Variants in GRIN2B observed in about 807,000 individuals in gnomAD.
GRIN2B encodes the protein glutamate ionotropic receptor NMDA type subunit 2B.
In GRIN2B, 5 loss-of-function variants were observed where a neutral mutation model predicts 114.5. That is an observed-to-expected ratio of 0.04 (90% CI 0.02 to 0.09). The LOEUF is 0.09. GRIN2B is among the 10% of genes least tolerant of loss of function. The pLI is 1.00. For synonymous variants in GRIN2B, 787 were observed against 745.1 expected, an observed-to-expected ratio of 1.06 and a Z score of -0.92; for missense variants, 1,108 against 1,943.5, an observed-to-expected ratio of 0.57 and a Z score of 8.08.
chr12:13,678,020 G>T (rs1452705301), intron 4 of GRIN2B, among the ~76,000 whole-genome samples: 1 of 152,064 alleles, frequency 6.6e-6, no homozygotes, highest in Admixed American at 6.6e-5. Context: ...CATACCCTGA[G>T]AATGACCCTA....
At chr12:13,687,303 A>G (rs988145483) in intron 4 of GRIN2B, among the ~76,000 whole-genome samples, 5 of 152,118 alleles carry the variant, frequency 3.3e-5, no homozygotes, top group African/African-American at 1.2e-4. Flanking sequence ...TTTTTTTAGC[A>G]AGTCCCTTTT....
chr12:13,719,912 G>A (rs556440386), intron 4 of GRIN2B, among the ~76,000 whole-genome samples: 1 of 152,118 alleles, frequency 6.6e-6, no homozygotes, highest in African/African-American at 2.4e-5. Context: ...CAACAGTACT[G>A]CATGATTGTG....
rs553762134 is a variant in GRIN2B at position 13,976,777 on chromosome 12, G to GA, written c.-19+3150dup. Reference sequence around the variant, plus strand: ...TTTCAGATTCTTAAACAAGAATATAGAAAAAAAAAATCCTGCCCCCAGGGT... The same window carrying GA: ...TTTCAGATTCTTAAACAAGAATATAGAAAAAAAAAAATCCTGCCCCCAGGGT... On this transcript the variant is annotated intron_variant, in intron 2 of 13. Coordinates refer to ENST00000609686, the MANE Select transcript of GRIN2B (RefSeq NM_000834.5). Among the ~76,000 whole-genome samples the GA allele has an allele frequency of 2.9e-3, 429 of 149,482 alleles. 1 individual carries two copies. Among genetic ancestry groups the GA allele is most frequent in the Admixed American group, 6.5e-3 (98 of 15,058 alleles).
chr12:13,805,049 G>T (rs1219022006), intron 3 of GRIN2B, among the ~76,000 whole-genome samples: 1 of 152,076 alleles, frequency 6.6e-6, no homozygotes, highest in African/African-American at 2.4e-5. Flanking sequence ...GTCTAGCCTT[G>T]ATTTAATTGT....
At chr12:13,873,733 C>T (rs1186734306) in intron 2 of GRIN2B, among the ~76,000 whole-genome samples, 4 of 152,100 alleles carry the variant, frequency 2.6e-5, no homozygotes, top group African/African-American at 7.2e-5. Flanking sequence ...CCTGGACATG[C>T]TAGATACATG....
At chr12:13,770,941 A>G (rs1332848175) in intron 3 of GRIN2B, among the ~76,000 whole-genome samples, 1 of 152,162 alleles carries the variant, frequency 6.6e-6, no homozygotes, top group Non-Finnish European at 1.5e-5. Flanking sequence ...CAACTTTCTG[A>G]ATGATTTCGA....
At chr12:13,830,585 G>T (rs113900275) in intron 3 of GRIN2B, among the ~76,000 whole-genome samples, 3 of 152,206 alleles carry the variant, frequency 2.0e-5, no homozygotes, top group African/African-American at 7.2e-5. Context: ...TCAGAAGAAG[G>T]CCAAATGTAT....
intron 4 of GRIN2B, among the ~76,000 whole-genome samples, chr12:13,729,677 A>T (rs1863049810): frequency 6.6e-6 from 1 of 152,098 alleles, no homozygotes; most frequent in Admixed American, 6.6e-5. Context: ...AATAGCTGAA[A>T]GAGATGGAGA....
chr12:13,875,137 A>G (rs1346971415), intron 2 of GRIN2B, among the ~76,000 whole-genome samples: 1 of 151,630 alleles, frequency 6.6e-6, no homozygotes, highest in Non-Finnish European at 1.5e-5. Context: ...ACGTGTTCTC[A>G]TCGTTCAGCT....
Position 13,542,043 on chromosome 12 carries a change from C to T in GRIN2B, c.*20740G>A, listed in dbSNP as rs1302047944. ...CTTACCCCCTTTTCATGCAGCCCCA[C>T]TCAGAGTCCTTTTCTTTCTAAGCCC... On this transcript the variant is annotated 3_prime_UTR_variant, in exon 14 of 14. Transcript: ENST00000609686. 6.6e-6 allele frequency: 1 copy of T among 152,188 alleles called. No homozygotes were observed. Among genetic ancestry groups the T allele is most frequent in the Non-Finnish European group, 1.5e-5 (1 of 68,042 alleles). The allele number at this position is 152,188 out of a possible 1,614,324, so 9.4% of individuals were successfully genotyped here. A position where few individuals can be genotyped will look rare whatever the true frequency, so the allele number is the denominator to read the frequency against.
intron 10 of GRIN2B, among the ~76,000 whole-genome samples, chr12:13,586,628 G>A (rs975533089): frequency 6.6e-6 from 1 of 152,124 alleles, no homozygotes; most frequent in Admixed American, 6.6e-5. Context: ...TTTAAGATCC[G>A]ACAAGCCACA....
intron 3 of GRIN2B, among the ~76,000 whole-genome samples, chr12:13,788,182 T>C (rs937737678): frequency 3.3e-5 from 5 of 152,116 alleles, no homozygotes; most frequent in Admixed American, 2.6e-4. Context: ...CAAAGTCAGG[T>C]AGATATTAGA....
intron 10 of GRIN2B, among the ~76,000 whole-genome samples, chr12:13,592,767 C>G (rs7967569): frequency 6.6e-6 from 1 of 152,116 alleles, no homozygotes; most frequent in African/African-American, 2.4e-5. Flanking sequence ...TTCACATCCA[C>G]AAAATCAAAA....
chr12:13,928,241 T>C (rs186880873), intron 2 of GRIN2B, among the ~76,000 whole-genome samples: 1 of 150,138 alleles, frequency 6.7e-6, no homozygotes, highest in Admixed American at 6.7e-5. Flanking sequence ...AGGTAGAGGT[T>C]GTGATGAGCT....
chr12:13,967,099 T>A (rs1407035396), intron 2 of GRIN2B, among the ~76,000 whole-genome samples: 1 of 152,214 alleles, frequency 6.6e-6, no homozygotes, highest in Non-Finnish European at 1.5e-5. Context: ...TCATTTCACC[T>A]TCTGCATAAC....
chr12:13,961,083 C>CTT (rs532043399), intron 2 of GRIN2B, among the ~76,000 whole-genome samples: 3,542 of 145,170 alleles, frequency 0.024, 57 homozygotes, highest in African/African-American at 0.045. Flanking sequence ...ATTCTGACGA[C>CTT]TTTTTTTTTT....
intron 3 of GRIN2B, among the ~76,000 whole-genome samples, chr12:13,827,514 C>T (rs575401835): frequency 1.3e-5 from 2 of 152,184 alleles, no homozygotes; most frequent in African/African-American, 4.8e-5. Context: ...CTAGATCCTT[C>T]ATATTTTATT....
intron 4 of GRIN2B, among the ~76,000 whole-genome samples, chr12:13,694,633 C>A (rs1347913354): frequency 7.4e-6 from 1 of 134,578 alleles, no homozygotes; most frequent in African/African-American, 2.8e-5. Flanking sequence ...AGCTCCTTCC[C>A]AGTCTATTGT....
chr12:13,675,967 GAAA>G (rs1950070603), intron 4 of GRIN2B, 108 bp from the exon 5 acceptor site: 1 of 709,156 alleles, frequency 1.4e-6, no homozygotes, highest in South Asian at 1.5e-5. Flanking sequence ...CAAGTAAATA[GAAA>G]TACAGATACC....
Sources: gnomAD v4.1 joint callset for allele counts (sites outside exome capture counted in the v4.1 genomes callset) on GRCh38, gnomAD v4.1.1 for gene constraint, MANE v1.5 for transcripts, NCBI Gene and HGNC (gene_info 2026-07-23, HGNC 2026-07-21) for gene names.